Variants in SLC36A2 observed in about 807,000 individuals in gnomAD.
The protein encoded by SLC36A2 is proton-coupled amino acid transporter 2.
In SLC36A2, 39 loss-of-function variants were observed where a neutral mutation model predicts 42.7. The observed-to-expected ratio is 0.91, with a 90% CI of 0.71 to 1.19. The LOEUF is 1.19. SLC36A2 is among the 50% of genes most tolerant of loss of function. SLC36A2 has a pLI of 0.00. For missense variants in SLC36A2, 590 were observed against 613.7 expected, an observed-to-expected ratio of 0.96 and a Z score of 0.41; for synonymous variants, 237 against 240.8, an observed-to-expected ratio of 0.98 and a Z score of 0.15.
At chr5:151,345,385 C>T (rs1756463445) in intron 1 of SLC36A2, among the ~76,000 whole-genome samples, 2 of 152,206 alleles carry the variant, frequency 1.3e-5, no homozygotes, top group South Asian at 2.1e-4. Context: ...ACGTGTTCAA[C>T]TTTGTTGACC....
rs1379641582 is a variant in SLC36A2, at chr5:151,322,092, T to G, written c.1134A>C (p.Ala378=). Residue 378 remains alanine, a synonymous_variant, in exon 9 of 10, where the codon GCA becomes GCC. Coordinates refer to ENST00000335244, the MANE Select transcript of SLC36A2 (RefSeq NM_181776.3). ...FAISRVSTRW[A]LPLDLSIRLV... ...GGCGAATGGACAGATCCAGAGGCAG[T>G]GCCCAGCGTGTTGACACCCGGGAGA... 5 of 1,614,082 alleles carry G rather than the reference T, an allele frequency of 3.1e-6. No individual in the cohort carries two copies. In the African/African-American group the frequency reaches 5.3e-5, roughly 17 times the overall value.
rs33912867 is a variant in SLC36A2, at chr5:151,316,740, C to CA, written c.*76dup. On this transcript the variant is annotated 3_prime_UTR_variant, in exon 10 of 10. Transcript: ENST00000335244. ...GGGCAACAAGACAGAAACTCCGTCT[C>CA]AAAAAAAAAAAAAAAAAAAAAAAGA... The CA allele has an allele frequency of 0.16, 136,585 of 871,196 alleles. 1,189 individuals carry two copies. The highest frequency in any genetic ancestry group is 0.22 in the East Asian group (5,384 of 24,592). The allele number at this position is 871,196 out of a possible 1,614,324, so 54.0% of individuals were successfully genotyped here.
In SLC36A2 at chr5:151,347,497, A is replaced by G; in HGVS notation, c.-37T>C. On this transcript the variant is annotated 5_prime_UTR_variant, in exon 1 of 10. Transcript: ENST00000335244. ...AAACAAGGAGCTCGGGGTGACAAAG[A>G]GGTCTGCTCTGGAAGGAGGGAAGCA... 6.2e-7 allele frequency: 1 copy of G among 1,611,640 alleles called. No homozygotes were observed. Among genetic ancestry groups the G allele is most frequent in the African/African-American group, 1.3e-5 (1 of 74,984 alleles).
chr5:151,337,685 A>G (rs1289181826), intron 5 of SLC36A2, among the ~76,000 whole-genome samples: 4 of 152,236 alleles, frequency 2.6e-5, no homozygotes, highest in African/African-American at 9.6e-5. Context: ...GGAAATAAAG[A>G]AGTGCACAAA....
At chr5:151,340,158 GGAA>G (rs879437988) in intron 4 of SLC36A2, among the ~76,000 whole-genome samples, 4 of 121,586 alleles carry the variant, frequency 3.3e-5, no homozygotes, top group Non-Finnish European at 5.3e-5. Context: ...AGAAGGAGGA[GGAA>G]GAAGAGGAAG....
At chr5:151,342,251 C>G (rs1442518990) in intron 4 of SLC36A2, among the ~76,000 whole-genome samples, 1 of 152,174 alleles carries the variant, frequency 6.6e-6, no homozygotes, top group Non-Finnish European at 1.5e-5. Context: ...TGCCCTCAAG[C>G]TACCTGGTCT....
chr5:151,317,311 G>T (rs1193594488), intron 9 of SLC36A2, among the ~76,000 whole-genome samples: 1 of 152,030 alleles, frequency 6.6e-6, no homozygotes, highest in Non-Finnish European at 1.5e-5. Context: ...AATCAGCCGG[G>T]TGTGGTAGTG....
intron 2 of SLC36A2, 110 bp downstream of exon 2, chr5:151,344,067 C>T (rs957504060): frequency 1.0e-5 from 10 of 982,878 alleles, no homozygotes; most frequent in African/African-American, 8.0e-5. Flanking sequence ...CCGCACCAAG[C>T]TGTGTCCCAG....
At chr5:151,332,566 A>G (rs560762003) in intron 7 of SLC36A2, 18 of 380,564 alleles carry the variant, frequency 4.7e-5, no homozygotes, top group Non-Finnish European at 7.8e-5. Context: ...GTGCAACAGC[A>G]TGGACGAATT....
At chr5:151,325,644 A>T (rs1755833418) in intron 7 of SLC36A2, among the ~76,000 whole-genome samples, 192 bp from the exon 8 acceptor site, 1 of 152,216 alleles carries the variant, frequency 6.6e-6, no homozygotes, top group East Asian at 1.9e-4. Context: ...AGCAACAGAA[A>T]ATGGATACAC....
At position 151,342,891 on chromosome 5, in the gene SLC36A2, C is replaced by T; in HGVS notation, c.437G>A (p.Gly146Glu). ...AGGCAAAGCAAGAACAGGTTACCTTCCCCAGTGAGCGTGATTCTGGAGCCA... is the reference window on the plus strand; with the variant it reads ...AGGCAAAGCAAGAACAGGTTACCTTTCCCAGTGAGCGTGATTCTGGAGCCA... Reference protein sequence around the residue: ...NAWLQNHAHWGRHIVSFFLII... With the variant: ...NAWLQNHAHWERHIVSFFLII... The change falls in exon 4 of 10, where the codon GGA becomes GAA. Residue 146 changes from glycine (G) to glutamate (E), a missense_variant. Physicochemically the swap from Gly to Glu is moderately conservative, Grantham distance 98 (BLOSUM62 -2). Coordinates refer to ENST00000335244, the MANE Select transcript of SLC36A2 (RefSeq NM_181776.3). 3 of 1,613,832 alleles carry T rather than the reference C, an allele frequency of 1.9e-6. No individual in the cohort carries two copies. The highest frequency in any genetic ancestry group is 2.5e-6 in the Non-Finnish European group (3 of 1,179,722).
chr5:151,323,625 G>C (rs1365413855), intron 8 of SLC36A2, among the ~76,000 whole-genome samples: 1 of 152,186 alleles, frequency 6.6e-6, no homozygotes, highest in African/African-American at 2.4e-5. Flanking sequence ...GGATTGAGTT[G>C]ACCTGCCGGA....
At position 151,322,212 on chromosome 5, in the gene SLC36A2, C is replaced by A; in HGVS notation, c.1014G>T (p.Leu338=). The change falls in exon 9 of 10, where the codon CTG becomes CTT. Residue 338 remains leucine, a synonymous_variant. Coordinates refer to ENST00000335244, the MANE Select transcript of SLC36A2 (RefSeq NM_181776.3). ...TGTAGAGAAGCTTGACAGACTGGTACAGCCTGCAAGACAAACCACAGAGCT... is the reference window on the plus strand; with the variant it reads ...TGTAGAGAAGCTTGACAGACTGGTAAAGCCTGCAAGACAAACCACAGAGCT... ...SISLNLPNCW[L]YQSVKLLYIA... 2 of 1,614,016 alleles carry A rather than the reference C, an allele frequency of 1.2e-6. No individual in the cohort carries two copies. The highest frequency in any genetic ancestry group is 1.7e-6 in the Non-Finnish European group (2 of 1,179,958).
At chr5:151,340,906 G>A (rs767324567) in intron 4 of SLC36A2, among the ~76,000 whole-genome samples, 4 of 152,148 alleles carry the variant, frequency 2.6e-5, no homozygotes, top group Non-Finnish European at 5.9e-5. Flanking sequence ...CACATTGTAG[G>A]TATTCAGTAG....
In SLC36A2 at chr5:151,324,909, T is replaced by G. The variant is rs112958499; in HGVS notation, c.1010+377A>C. 9.4e-3 allele frequency among the ~76,000 whole-genome samples: 1,425 copies of G among 152,314 alleles called. 14 individuals are homozygous for G. Among genetic ancestry groups the G allele is most frequent in the African/African-American group, 0.031 (1,294 of 41,564 alleles). ...TATCTGGTTACTCTGACTTGGGGAATGTGAACCACTGGCTGTGGCAAACAA... is the reference window on the plus strand; with the variant it reads ...TATCTGGTTACTCTGACTTGGGGAAGGTGAACCACTGGCTGTGGCAAACAA... On this transcript the variant is annotated intron_variant, in intron 8 of 9. Coordinates refer to ENST00000335244, the MANE Select transcript of SLC36A2 (RefSeq NM_181776.3).
rs537513152 is a variant in SLC36A2, at chr5:151,320,286, G to A, written c.1180+1760C>T. Among the ~76,000 whole-genome samples, 32 of 151,986 alleles carry A rather than the reference G, an allele frequency of 2.1e-4. 1 individual carries two copies. In the South Asian group the frequency reaches 6.2e-3, roughly 30 times the overall value. On this transcript the variant is annotated intron_variant, in intron 9 of 9. Coordinates refer to ENST00000335244, the MANE Select transcript of SLC36A2 (RefSeq NM_181776.3). ...AATGAATACTAGCATAACTGTTTGG[G>A]CTGCTTTTAGTTTCTCTGAATCAAA...
intron 5 of SLC36A2, chr5:151,338,736 G>A: frequency 4.1e-6 from 1 of 245,422 alleles, no homozygotes; most frequent in Non-Finnish European, 8.1e-6. Flanking sequence ...ATCAAAAGAA[G>A]ACCCATATCA....
intron 5 of SLC36A2, among the ~76,000 whole-genome samples, chr5:151,336,050 C>T (rs893809835): frequency 6.6e-6 from 1 of 151,526 alleles, no homozygotes; most frequent in Non-Finnish European, 1.5e-5. Flanking sequence ...ATAAGTGTAA[C>T]ACAAAATAAA....
At chr5:151,323,285 A>AAATAAATG (rs1755752521) in intron 8 of SLC36A2, among the ~76,000 whole-genome samples, 1 of 151,298 alleles carries the variant, frequency 6.6e-6, no homozygotes, top group Non-Finnish European at 1.5e-5. Flanking sequence ...ATAAATAAAT[A>AAATAAATG]AATGGGTGTG....
Sources: allele counts gnomAD v4.1 joint callset (sites outside exome capture counted in the v4.1 genomes callset), GRCh38; gene constraint gnomAD v4.1.1; transcripts MANE v1.5; gene names NCBI Gene and HGNC (gene_info 2026-07-23, HGNC 2026-07-21).